RFESD: variants seen among roughly 807,000 people sequenced by gnomAD.
The protein encoded by RFESD is Rieske domain-containing protein.
Under a neutral mutation model 24.4 loss-of-function variants are expected in RFESD, and 16 were observed. That is an observed-to-expected ratio of 0.66 (90% CI 0.44 to 1.00). The LOEUF (loss-of-function observed/expected upper bound fraction) is 1.00. Among genes scored for constraint, RFESD ranks in the 50% least tolerant of loss-of-function variants. RFESD has a pLI of 0.00. For synonymous variants in RFESD, 59 were observed against 81.8 expected (o/e 0.72, Z 1.50); for missense variants, 208 against 247.0 (o/e 0.84, Z 1.06).
chr5:95,647,684 A>G (rs1750161222), intron 1 of RFESD: 1 of 152,014 alleles, frequency 6.6e-6, no homozygotes, highest in African/African-American at 2.4e-5. Context: ...ACAAATATAA[A>G]TATCAATACT....
At chr5:95,652,801 G>T in intron 2 of RFESD, 1 of 334,270 alleles carries the variant, frequency 3.0e-6, no homozygotes. Flanking sequence ...ATCCCCTACA[G>T]CATCAACCCC....
intron 1 of RFESD, chr5:95,647,348 TTAGGCC>T (rs999191149): frequency 2.6e-5 from 4 of 152,258 alleles, no homozygotes; most frequent in Non-Finnish European, 5.9e-5. Context: ...TTTTCTGCGG[TTAGGCC>T]TGCTCTAAAC....
intron 5 of RFESD, 132 bp from the exon 6 acceptor site, chr5:95,655,914 A>T: frequency 1.3e-6 from 1 of 749,092 alleles, no homozygotes; most frequent in South Asian, 1.9e-5. Flanking sequence ...TATGCTGAAT[A>T]ATTTGTACAT....
rs1322663252 is a variant in RFESD at position 95,656,282 on chromosome 5, CT to C, written c.608del (p.Phe203SerfsTer3). The C allele has an allele frequency of 6.2e-7, 1 of 1,611,088 alleles. No homozygotes were observed. The highest frequency in any genetic ancestry group is 1.7e-5 in the Admixed American group (1 of 59,868). On this transcript the variant is annotated frameshift_variant, in exon 6 of 6. Transcript: ENST00000380005. LOFTEE classifies it high-confidence loss of function. ...CDSDFYATGD[F>X]KVIKSSS ...ACTCTGATTTTTATGCCACTGGAGA[CT>C]TCAAAGTAATTAAGAGTTCTTCCTG...
At chr5:95,648,598 A>C (rs775745538) in intron 1 of RFESD, among the ~76,000 whole-genome samples, 1 of 152,214 alleles carries the variant, frequency 6.6e-6, no homozygotes, top group East Asian at 1.9e-4. Flanking sequence ...AGAGGAAACT[A>C]TTATTTGACA....
chr5:95,648,717 A>C (rs1474651410), intron 1 of RFESD, among the ~76,000 whole-genome samples: 2 of 152,136 alleles, frequency 1.3e-5, no homozygotes, highest in East Asian at 3.8e-4. Context: ...AGTCCCGTAA[A>C]AGTTCACCAG....
rs17084944 is a variant in RFESD at position 95,648,387 on chromosome 5, A to T, written c.-136+1570A>T. Among the ~76,000 whole-genome samples the T allele has an allele frequency of 1.7e-3, 262 of 152,312 alleles. 8 individuals carry two copies. The East Asian group carries it at 0.042, about 25-fold the overall frequency. ...TAATTTTCTGTTTCATTCAGTTAAG[A>T]TTCTATTATCTTAAAGTAGACTTAA... On this transcript the variant is annotated intron_variant, in intron 1 of 5. Transcript: ENST00000380005.
intron 1 of RFESD, among the ~76,000 whole-genome samples, chr5:95,650,809 T>C (rs1397354480): frequency 6.6e-6 from 1 of 151,964 alleles, no homozygotes; most frequent in East Asian, 1.9e-4. Context: ...TTTAAAGAAG[T>C]TGGATAGGGC....
At chr5:95,653,520 C>G (rs1561386934) in intron 3 of RFESD, among the ~76,000 whole-genome samples, 4 of 152,352 alleles carry the variant, frequency 2.6e-5, no homozygotes, top group Admixed American at 6.5e-5. Context: ...TAATACAACT[C>G]TAGCCTCAGA....
intron 3 of RFESD, 128 bp downstream of exon 3, chr5:95,653,342 A>G: frequency 1.6e-6 from 2 of 1,269,928 alleles, no homozygotes; most frequent in South Asian, 1.6e-5. Flanking sequence ...AAGAGGCTGA[A>G]GACTATTCAG....
chr5:95,650,376 T>C (rs1029350590), intron 1 of RFESD, among the ~76,000 whole-genome samples: 2 of 152,166 alleles, frequency 1.3e-5, no homozygotes, highest in African/African-American at 4.8e-5. Context: ...CATGCACACA[T>C]GCACAAACAT....
chr5:95,653,282 G>T (rs2112509325), intron 3 of RFESD, 68 bp downstream of exon 3: 1 of 1,543,538 alleles, frequency 6.5e-7, no homozygotes, highest in East Asian at 2.4e-5. Context: ...GGTTGTGCCT[G>T]TAAGAGCCAA....
intron 2 of RFESD, chr5:95,652,880 G>T: frequency 4.0e-6 from 2 of 493,948 alleles, no homozygotes; most frequent in Non-Finnish European, 6.8e-6. Flanking sequence ...TTGTTGTTTT[G>T]CTATAATCCA....
intron 1 of RFESD, among the ~76,000 whole-genome samples, chr5:95,651,156 A>T (rs1320269017): frequency 6.6e-6 from 1 of 152,040 alleles, no homozygotes; most frequent in African/African-American, 2.4e-5. Flanking sequence ...TAAAATGGTA[A>T]CCTAAGACTT....
chr5:95,649,863 T>C (rs80216551), intron 1 of RFESD, among the ~76,000 whole-genome samples: 7,881 of 152,316 alleles, frequency 0.052, 284 homozygotes, highest in African/African-American at 0.1. Context: ...TATTGCAAAT[T>C]CCACATTTCT....
chr5:95,653,086 C>A, intron 2 of RFESD, 31 bp from the exon 3 acceptor site: 1 of 1,550,378 alleles, frequency 6.5e-7, no homozygotes, highest in African/African-American at 1.4e-5. Flanking sequence ...CTTTTCTTTC[C>A]TTCAGGCTTT....
intron 1 of RFESD, among the ~76,000 whole-genome samples, chr5:95,650,759 A>G (rs1750284742): frequency 2.0e-5 from 3 of 152,156 alleles, no homozygotes; most frequent in Non-Finnish European, 4.4e-5. Flanking sequence ...CATAGTGTGT[A>G]ACCATTCTAA....
At chr5:95,650,430 G>A (rs1437701317) in intron 1 of RFESD, among the ~76,000 whole-genome samples, 1 of 152,102 alleles carries the variant, frequency 6.6e-6, no homozygotes, top group Non-Finnish European at 1.5e-5. Context: ...TTGGAGCCCA[G>A]CCTTACAATG....
Position 95,652,547 on chromosome 5 carries a change from G to C in RFESD, c.60+216G>C, listed in dbSNP as rs1288387306. 3 of 515,368 alleles carry C rather than the reference G, an allele frequency of 5.8e-6. No individual in the cohort carries two copies. In the East Asian group the frequency reaches 1.0e-4, roughly 17 times the overall value. 31.9% of individuals were successfully genotyped at this position (515,368 alleles called of 1,614,324 possible). ...TTGGCCTTTCTCCTCACAGTCTTTG[G>C]CACTACAGTTCACCTAGCTGCACAA... On this transcript the variant is annotated intron_variant, in intron 2 of 5. Coordinates refer to ENST00000380005, the MANE Select transcript of RFESD (RefSeq NM_001131066.2).
Sources: allele counts gnomAD v4.1 joint callset (sites outside exome capture counted in the v4.1 genomes callset), GRCh38; gene constraint gnomAD v4.1.1; transcripts MANE v1.5; gene names NCBI Gene and HGNC (gene_info 2026-07-23, HGNC 2026-07-21).